CLCN5: variants seen among roughly 807,000 people sequenced by gnomAD.
The protein encoded by CLCN5 is Cl-/H+ antiporter 5.
In CLCN5, 17 loss-of-function variants were observed where a neutral mutation model predicts 54.0. That is an observed-to-expected ratio of 0.31 (90% CI 0.22 to 0.47). The LOEUF is 0.47. Among genes scored for constraint, CLCN5 ranks in the 20% least tolerant of loss-of-function variants. The probability of loss-of-function intolerance (pLI) is 1.00; values close to 1 mark genes in which losing one functional copy is unlikely to be tolerated. For synonymous variants in CLCN5, 222 were observed against 233.0 expected (o/e 0.95, Z 0.43); for missense variants, 448 against 646.7 (o/e 0.69, Z 3.33).
intron 3 of CLCN5, among the ~76,000 whole-genome samples, chrX:50,030,470 G>A (rs1358457816): frequency 1.8e-5 from 2 of 111,318 alleles, no homozygotes; most frequent in African/African-American, 6.5e-5. Flanking sequence ...TAGTTGTATA[G>A]GTATGCATTC....
At chrX:50,013,379 C>T (rs782303227) in intron 3 of CLCN5, 4 of 339,545 alleles carry the variant, frequency 1.2e-5, no homozygotes, top group South Asian at 8.7e-5. Context: ...GTTTATTGCG[C>T]ACTTTTGATG....
rs782753107 is a variant in CLCN5 at position 50,075,905 on chromosome X, G to A, written c.526G>A (p.Glu176Lys). 133 of 1,209,834 alleles carry A rather than the reference G, an allele frequency of 1.1e-4. No individual in the cohort carries two copies. Among genetic ancestry groups the A allele is most frequent in the Non-Finnish European group, 1.5e-4 (133 of 894,800 alleles). Residue 176 changes from glutamate to lysine, a missense_variant, in exon 7 of 15, where the codon GAG becomes AAG. By Grantham distance (56) the Glu-to-Lys change is moderately conservative. Coordinates refer to ENST00000376091, the MANE Select transcript of CLCN5 (RefSeq NM_001127898.4). ...CCATGAACATTGTTGCTGGAACTCT[G>A]AGCATGTCACCTTTGAAGAGAGAGA... ...FNHEHCCWNS[E>K]HVTFEERDKC...
chrX:49,946,778 A>G (rs1926769207), intron 3 of CLCN5, among the ~76,000 whole-genome samples: 1 of 110,921 alleles, frequency 9.0e-6, no homozygotes. Context: ...TATATTTGGC[A>G]TAGCTCTGAA....
chrX:50,026,963 A>G (rs1486959653), intron 3 of CLCN5, among the ~76,000 whole-genome samples: 3 of 109,116 alleles, frequency 2.7e-5, no homozygotes, highest in Admixed American at 1.9e-4. Context: ...ATTTGGAACA[A>G]TTCTTAGTCA....
At chrX:50,002,502 C>G (rs781932712) in intron 3 of CLCN5, among the ~76,000 whole-genome samples, 1 of 112,021 alleles carries the variant, frequency 8.9e-6, no homozygotes, top group African/African-American at 3.2e-5. Flanking sequence ...CTTGTTGGCT[C>G]TACTTTCAAA....
chrX:49,935,493 A>G (rs1331120122), intron 3 of CLCN5, among the ~76,000 whole-genome samples: 2 of 112,365 alleles, frequency 1.8e-5, no homozygotes, highest in African/African-American at 6.5e-5. Context: ...TAAGCCTTGC[A>G]GTCTCATGGG....
At chrX:49,950,970 GC>G (rs1927014527) in intron 3 of CLCN5, among the ~76,000 whole-genome samples, 1 of 111,195 alleles carries the variant, frequency 9.0e-6, no homozygotes, top group East Asian at 2.8e-4. Flanking sequence ...CAAATAGTAG[GC>G]CTTATTCATT....
At chrX:49,953,478 T>A (rs1187121620) in intron 3 of CLCN5, among the ~76,000 whole-genome samples, 12 of 110,824 alleles carry the variant, frequency 1.1e-4, no homozygotes, top group African/African-American at 3.0e-4. Context: ...GCTAATTTTT[T>A]AATTATTTGT....
intron 8 of CLCN5, among the ~76,000 whole-genome samples, chrX:50,080,954 T>G (rs1180636683): frequency 5.4e-5 from 6 of 111,213 alleles, no homozygotes; most frequent in Admixed American, 9.5e-5. Flanking sequence ...TCTGGAAAAC[T>G]TCCCCTGTTC....
Position 50,086,007 on chromosome X carries a change from G to A in CLCN5, c.961G>A (p.Val321Ile), listed in dbSNP as rs1557193807. The A allele has an allele frequency of 8.3e-7, 1 of 1,210,524 alleles. No individual in the cohort carries two copies. Residue 321 changes from valine (V) to isoleucine (I), a missense_variant, in exon 10 of 15, where the codon GTA becomes ATA. Coordinates refer to ENST00000376091, the MANE Select transcript of CLCN5 (RefSeq NM_001127898.4). Reference protein sequence around the residue: ...EVLSAAAAAGVSVAFGAPIGG... With the variant: ...EVLSAAAAAGISVAFGAPIGG... ...CTTGTCGGCTGCAGCAGCAGCTGGT[G>A]TATCTGTAGCCTTTGGAGCACCTAT...
chrX:50,077,707 C>T (rs375651941), intron 7 of CLCN5, among the ~76,000 whole-genome samples: 6 of 95,676 alleles, frequency 6.3e-5, no homozygotes, highest in African/African-American at 1.6e-4. Context: ...ATTGGCCAGG[C>T]GCGGTGGCCT....
At chrX:50,007,205 C>T (rs959564084) in intron 3 of CLCN5, among the ~76,000 whole-genome samples, 5 of 111,862 alleles carry the variant, frequency 4.5e-5, no homozygotes, top group Non-Finnish European at 9.4e-5. Flanking sequence ...CACAAATACT[C>T]GTATATGCAC....
At chrX:50,019,489 T>TTTTTTTTTTTTTA (rs1930975324) in intron 3 of CLCN5, among the ~76,000 whole-genome samples, 5 of 76,185 alleles carry the variant, frequency 6.6e-5, no homozygotes, top group African/African-American at 2.8e-4. Context: ...TTTTTTTTTT[T>TTTTTTTTTTTTTA]ATTATACTCT....
chrX:49,963,961 T>A (rs782160992), intron 3 of CLCN5, among the ~76,000 whole-genome samples: 1 of 112,237 alleles, frequency 8.9e-6, no homozygotes, highest in East Asian at 2.8e-4. Flanking sequence ...CCTATTTGGA[T>A]GTAATGCATG....
intron 3 of CLCN5, among the ~76,000 whole-genome samples, chrX:49,982,295 G>T (rs1333586604): frequency 9.2e-6 from 1 of 109,162 alleles, no homozygotes; most frequent in Non-Finnish European, 1.9e-5. Context: ...CCAGACTGAA[G>T]AACTCTTTTT....
intron 8 of CLCN5, 47 bp downstream of exon 8, chrX:50,080,763 T>C (rs1557193005): frequency 2.8e-6 from 3 of 1,086,207 alleles, no homozygotes; most frequent in South Asian, 1.8e-5. Context: ...ATGAATACTT[T>C]TTGGTTAAAA....
At chrX:50,057,289 A>G (rs1277694860) in intron 4 of CLCN5, among the ~76,000 whole-genome samples, 1 of 106,554 alleles carries the variant, frequency 9.4e-6, no homozygotes, top group Non-Finnish European at 1.9e-5. Flanking sequence ...GCAAACTGGT[A>G]TGGCATACAG....
intron 3 of CLCN5, among the ~76,000 whole-genome samples, chrX:50,034,952 A>G (rs186375431): frequency 1.8e-5 from 2 of 111,402 alleles, no homozygotes; most frequent in African/African-American, 6.5e-5. Flanking sequence ...TGTTTTTATC[A>G]TGTTGCTCCT....
chrX:50,004,096 C>T (rs782025009), intron 3 of CLCN5, among the ~76,000 whole-genome samples: 54 of 112,038 alleles, frequency 4.8e-4, no homozygotes, highest in Non-Finnish European at 9.0e-4. Flanking sequence ...TTCTTAGACA[C>T]TCATGTAGAT....
Sources: allele counts gnomAD v4.1 joint callset (sites outside exome capture counted in the v4.1 genomes callset), GRCh38; gene constraint gnomAD v4.1.1; transcripts MANE v1.5; gene names NCBI Gene and HGNC (gene_info 2026-07-23, HGNC 2026-07-21).